Variants in RBKS observed in about 807,000 individuals in gnomAD.
RBKS encodes the protein ribokinase.
A neutral mutation model predicts 33.9 loss-of-function variants in RBKS; 33 were observed. That is an observed-to-expected ratio of 0.97 (90% CI 0.74 to 1.30). The LOEUF is 1.30. Ranked by LOEUF, RBKS falls within the 50% of genes most tolerant of loss-of-function variation. RBKS has a pLI of 0.00. For missense variants in RBKS, 361 were observed against 392.6 expected, an observed-to-expected ratio of 0.92 and a Z score of 0.68; for synonymous variants, 125 against 143.0, an observed-to-expected ratio of 0.87 and a Z score of 0.90.
intron 7 of RBKS, among the ~76,000 whole-genome samples, chr2:27,799,941 G>A (rs955960160): frequency 4.6e-5 from 7 of 152,136 alleles, no homozygotes; most frequent in African/African-American, 7.2e-5. Flanking sequence ...GCCTGGGAAC[G>A]TAAAAGTCAT....
chr2:27,852,111 CAACAT>C (rs1182468421), intron 2 of RBKS, among the ~76,000 whole-genome samples: 1 of 152,180 alleles, frequency 6.6e-6, no homozygotes, highest in Non-Finnish European at 1.5e-5. Flanking sequence ...TCTCAGAACT[CAACAT>C]GCTCTTTGGA....
At chr2:27,843,383 A>G in intron 4 of RBKS, 152 bp from the exon 5 acceptor site, 2 of 522,324 alleles carry the variant, frequency 3.8e-6, no homozygotes, top group Non-Finnish European at 6.3e-6. Context: ...TTCAGCTTGA[A>G]CTTTGAGTTC....
intron 7 of RBKS, among the ~76,000 whole-genome samples, chr2:27,786,767 T>C (rs983394436): frequency 5.1e-5 from 7 of 136,920 alleles, no homozygotes; most frequent in South Asian, 2.3e-4. Context: ...GGCGACAGAG[T>C]GAGACTGTCT....
At chr2:27,870,861 T>C in intron 1 of RBKS, 2 of 461,436 alleles carry the variant, frequency 4.3e-6, no homozygotes, top group Non-Finnish European at 8.8e-6. Context: ...GCAACAAAAG[T>C]GCACATAACA....
intron 1 of RBKS, among the ~76,000 whole-genome samples, chr2:27,861,882 T>C (rs1663995045): frequency 6.6e-6 from 1 of 151,990 alleles, no homozygotes; most frequent in African/African-American, 2.4e-5. Context: ...CTTGAACTCC[T>C]GATCCCCCTG....
chr2:27,870,714 G>A, intron 1 of RBKS: 2 of 453,228 alleles, frequency 4.4e-6, no homozygotes, highest in South Asian at 1.6e-5. Context: ...TCTTTGATGT[G>A]AGTAGTGAAA....
intron 2 of RBKS, among the ~76,000 whole-genome samples, chr2:27,856,592 A>G (rs912951317): frequency 6.6e-6 from 1 of 152,200 alleles, no homozygotes; most frequent in Non-Finnish European, 1.5e-5. Flanking sequence ...ATCCCAGGGG[A>G]CATCCAATCT....
At chr2:27,787,372 G>A (rs907359235) in intron 7 of RBKS, among the ~76,000 whole-genome samples, 2 of 152,112 alleles carry the variant, frequency 1.3e-5, no homozygotes, top group Admixed American at 6.5e-5. Context: ...TGTCAAGCCC[G>A]CAGTGAGCCG....
chr2:27,798,978 C>G (rs6745545), intron 7 of RBKS, among the ~76,000 whole-genome samples: 53,581 of 151,960 alleles, frequency 0.35, 11,911 homozygotes, highest in East Asian at 0.62. Flanking sequence ...TTGAGGGTAG[C>G]ACGCCTGTCT....
At chr2:27,794,769 G>C (rs571420429) in intron 7 of RBKS, among the ~76,000 whole-genome samples, 1 of 152,034 alleles carries the variant, frequency 6.6e-6, no homozygotes, top group East Asian at 1.9e-4. Flanking sequence ...GATTACAAGC[G>C]TGTGTCACCA....
Position 27,810,171 on chromosome 2 carries a change from A to C in RBKS, c.795+17396T>G, listed in dbSNP as rs1041814097. ...GTGCACCTGGTATATTTGTCTACAC[A>C]ACCCAAATTCGTCATATACTGGCTG... On this transcript the variant is annotated intron_variant, in intron 7 of 7. Coordinates refer to ENST00000302188, the MANE Select transcript of RBKS (RefSeq NM_022128.3). This position sits in a 1 kb window ranked among gnomAD's most constrained non-coding sequence, Gnocchi z 4.4. 18 of 1,200,032 alleles carry C rather than the reference A, an allele frequency of 1.5e-5. No homozygotes were observed. Among genetic ancestry groups the C allele is most frequent in the Middle Eastern group, 2.3e-4 (1 of 4,396 alleles). The allele number at this position is 1,200,032 out of a possible 1,614,324, so 74.3% of individuals were successfully genotyped here. A position where few individuals can be genotyped will look rare whatever the true frequency, so the allele number is the denominator to read the frequency against.
intron 5 of RBKS, 130 bp downstream of exon 5, chr2:27,842,937 G>T: frequency 1.5e-6 from 1 of 646,272 alleles, no homozygotes; most frequent in Non-Finnish European, 2.4e-6. Flanking sequence ...ACAAGACTGT[G>T]AATCTCACAG....
chr2:27,809,797 A>T, intron 7 of RBKS: 1 of 476,666 alleles, frequency 2.1e-6, no homozygotes, highest in Non-Finnish European at 3.4e-6. Flanking sequence ...ATACAGAGCT[A>T]CCAGATTATT....
chr2:27,793,022 A>G (rs1028815287), intron 7 of RBKS, among the ~76,000 whole-genome samples: 6 of 152,222 alleles, frequency 3.9e-5, no homozygotes, highest in Admixed American at 1.3e-4. Context: ...TCTGGCTGCA[A>G]TTAGGTTGAC....
At chr2:27,796,597 G>C (rs1015889271) in intron 7 of RBKS, among the ~76,000 whole-genome samples, 2 of 152,140 alleles carry the variant, frequency 1.3e-5, no homozygotes, top group African/African-American at 4.8e-5. Flanking sequence ...GGGAATCAGG[G>C]AAGCGCAAGG....
chr2:27,875,686 CA>C (rs1220484341), intron 1 of RBKS, among the ~76,000 whole-genome samples: 1 of 152,082 alleles, frequency 6.6e-6, no homozygotes, highest in Non-Finnish European at 1.5e-5. Flanking sequence ...CAAACAGAAC[CA>C]ACTTAAAAGT....
chr2:27,792,293 A>C (rs566809541), intron 7 of RBKS, among the ~76,000 whole-genome samples: 1 of 152,346 alleles, frequency 6.6e-6, no homozygotes, highest in African/African-American at 2.4e-5. Context: ...CTCACCACTT[A>C]CTAGCTTTAT....
intron 7 of RBKS, among the ~76,000 whole-genome samples, chr2:27,804,873 A>C (rs1297374168): frequency 6.6e-6 from 1 of 152,062 alleles, no homozygotes; most frequent in Non-Finnish European, 1.5e-5. Flanking sequence ...AAAAAATGCA[A>C]AACTTTAGCC....
intron 7 of RBKS, among the ~76,000 whole-genome samples, chr2:27,813,039 T>TAA (rs33918494): frequency 7.0e-6 from 1 of 142,818 alleles, no homozygotes; most frequent in Non-Finnish European, 1.6e-5. Context: ...AAGAAGCCAT[T>TAA]AAAAAAAAAA....
Sources: gnomAD v4.1 joint callset for allele counts (sites outside exome capture counted in the v4.1 genomes callset) on GRCh38, gnomAD v4.1.1 for gene constraint, Gnocchi (gnomAD v3.1) non-coding constraint, MANE v1.5 for transcripts, NCBI Gene and HGNC (gene_info 2026-07-23, HGNC 2026-07-21) for gene names.